Variants in MAP1B observed in about 807,000 individuals in gnomAD.
MAP1B encodes the protein microtubule-associated protein 1B.
MAP1B carries 12 observed loss-of-function variants against 176.1 expected under a neutral mutation model. The ratio of observed to expected loss-of-function variants is 0.07; its 90% CI spans 0.04 to 0.11. The LOEUF (loss-of-function observed/expected upper bound fraction) is 0.11, where lower values mean the gene tolerates loss of function less well. MAP1B is among the 10% of genes least tolerant of loss of function. The probability of loss-of-function intolerance (pLI) is 1.00; values close to 1 mark genes in which losing one functional copy is unlikely to be tolerated. For synonymous variants in MAP1B, 1,044 were observed against 1,135.0 expected (o/e 0.92, Z 1.61); for missense variants, 2,523 against 2,990.5 (o/e 0.84, Z 3.65).
intron 2 of MAP1B, chr5:72,179,854 G>A (rs1403452209): frequency 5.1e-6 from 5 of 985,382 alleles, no homozygotes; most frequent in East Asian, 2.3e-4. Context: ...AGAGAACATC[G>A]TTAGTTGAAT....
chr5:72,189,883 C>T (rs919763711), intron 4 of MAP1B, among the ~76,000 whole-genome samples: 3 of 152,060 alleles, frequency 2.0e-5, no homozygotes, highest in Non-Finnish European at 4.4e-5. Flanking sequence ...ATTTGAAATC[C>T]ATTAGCATAT....
intron 3 of MAP1B, among the ~76,000 whole-genome samples, chr5:72,185,471 T>C (rs1214924561): frequency 6.6e-6 from 1 of 152,114 alleles, no homozygotes; most frequent in Non-Finnish European, 1.5e-5. Context: ...GTTGCATGCC[T>C]GTGGTCCCAG....
intron 2 of MAP1B, 132 bp downstream of exon 2, chr5:72,115,931 A>G: frequency 1.6e-6 from 1 of 627,938 alleles, no homozygotes; most frequent in Non-Finnish European, 2.8e-6. Context: ...ATTATCAACT[A>G]GGTTAGCCAG....
intron 2 of MAP1B, among the ~76,000 whole-genome samples, chr5:72,134,977 C>T (rs1212078434): frequency 7.3e-5 from 11 of 149,928 alleles, no homozygotes; most frequent in African/African-American, 2.5e-4. Flanking sequence ...TAATCAGGAG[C>T]GAGGTGGAAT....
intron 2 of MAP1B, among the ~76,000 whole-genome samples, chr5:72,119,615 C>T (rs886377764): frequency 1.2e-4 from 18 of 152,136 alleles, no homozygotes; most frequent in African/African-American, 4.1e-4. Flanking sequence ...TCAAATGATC[C>T]CCCCACCTCA....
In MAP1B at chr5:72,199,468, C is replaced by T. The variant is rs1377667648; in HGVS notation, c.6113C>T (p.Ser2038Phe). ...AAGACAACACGAACCCCTGATACTT[C>T]CACATACTGTTACGAGACTGCAGAG... is the stretch of plus-strand genomic sequence containing the variant. ...STKTTRTPDT[S>F]TYCYETAEKI... The change falls in exon 5 of 7, where the codon TCC becomes TTC. Residue 2038 changes from serine to phenylalanine, a missense_variant. Around this residue, in one of 4 missense-constraint regions of MAP1B, gnomAD observed 1,925 missense variants for 2,126.0 expected, o/e 0.91. Coordinates refer to ENST00000296755, the MANE Select transcript of MAP1B (RefSeq NM_005909.5). This position sits in a 1 kb window ranked among gnomAD's most constrained non-coding sequence, Gnocchi z 4.2. The T allele has an allele frequency of 2.5e-6, 4 of 1,614,158 alleles. No homozygotes were observed. The highest frequency in any genetic ancestry group is 3.4e-6 in the Non-Finnish European group (4 of 1,180,016).
intron 2 of MAP1B, among the ~76,000 whole-genome samples, chr5:72,117,990 T>C (rs1171370829): frequency 6.6e-6 from 1 of 152,162 alleles, no homozygotes; most frequent in Admixed American, 6.5e-5. Context: ...GACATGGAGA[T>C]CACAGGATGA....
At chr5:72,153,867 C>T (rs923618727) in intron 2 of MAP1B, among the ~76,000 whole-genome samples, 1 of 152,058 alleles carries the variant, frequency 6.6e-6, no homozygotes, top group Non-Finnish European at 1.5e-5. Flanking sequence ...GACATTCCCC[C>T]CAAAGCCTGC....
At chr5:72,130,345 C>T (rs188191603) in intron 2 of MAP1B, among the ~76,000 whole-genome samples, 3 of 152,050 alleles carry the variant, frequency 2.0e-5, no homozygotes, top group Admixed American at 6.6e-5. Context: ...TTTTAACCAT[C>T]GAAATAGGGA....
rs1269606355 is a variant in MAP1B at position 72,206,254 on chromosome 5, A to G, written c.*1015A>G. ...ATGTGAGACAGCAAGTTTATAAAAC[A>G]TCCATATAGGATTATAGATACTTAA... On this transcript the variant is annotated 3_prime_UTR_variant, in exon 7 of 7. Coordinates refer to ENST00000296755, the MANE Select transcript of MAP1B (RefSeq NM_005909.5). The G allele has an allele frequency of 6.6e-6, 1 of 152,662 alleles. No individual in the cohort carries two copies. The highest frequency in any genetic ancestry group is 2.4e-5 in the African/African-American group (1 of 41,456). The allele number at this position is 152,662 out of a possible 1,614,324, so 9.5% of individuals were successfully genotyped here. A position where few individuals can be genotyped will look rare whatever the true frequency, so the allele number is the denominator to read the frequency against.
intron 1 of MAP1B, among the ~76,000 whole-genome samples, chr5:72,111,593 T>G (rs987898238): frequency 6.6e-6 from 1 of 152,172 alleles, no homozygotes; most frequent in South Asian, 2.1e-4. Context: ...GAATTAAATG[T>G]TAGAGAGTCT....
chr5:72,177,261 G>A (rs1746669257), intron 2 of MAP1B, among the ~76,000 whole-genome samples: 1 of 152,170 alleles, frequency 6.6e-6, no homozygotes, highest in South Asian at 2.1e-4. Flanking sequence ...CTAAGCTGGG[G>A]CACCTGGGAT....
At position 72,199,970 on chromosome 5, in the gene MAP1B, G is replaced by C; in HGVS notation, c.6615G>C (p.Val2205=). ...YKHMDPPPAP[V]QDRSPSPRHP... is the part of the protein sequence containing the mutation. Reference sequence around the variant, plus strand: ...ACATGGACCCACCTCCAGCTCCCGTGCAAGACCGCAGCCCTTCGCCACGCC... The same window carrying C: ...ACATGGACCCACCTCCAGCTCCCGTCCAAGACCGCAGCCCTTCGCCACGCC... Residue 2205 remains valine, a synonymous_variant, in exon 5 of 7, where the codon GTG becomes GTC. Transcript: ENST00000296755. This position sits in a 1 kb window ranked among gnomAD's most constrained non-coding sequence, Gnocchi z 4.2. The C allele has an allele frequency of 6.2e-7, 1 of 1,614,198 alleles. No homozygotes were observed. The highest frequency in any genetic ancestry group is 1.1e-5 in the South Asian group (1 of 91,086).
Position 72,198,178 on chromosome 5 carries a change from C to A in MAP1B, c.4823C>A (p.Pro1608Gln), listed in dbSNP as rs1467659716. The A allele has an allele frequency of 1.2e-6, 2 of 1,614,204 alleles. No individual in the cohort carries two copies. ...PTTFQETEMS[P>Q]SKEECPRPMS... Reference sequence around the variant, plus strand: ...ACATTCCAGGAAACAGAAATGTCTCCATCTAAAGAAGAATGCCCAAGACCG... The same window carrying A: ...ACATTCCAGGAAACAGAAATGTCTCAATCTAAAGAAGAATGCCCAAGACCG... Residue 1608 changes from proline to glutamine, a missense_variant, in exon 5 of 7, where the codon CCA becomes CAA. Transcript: ENST00000296755.
intron 1 of MAP1B, among the ~76,000 whole-genome samples, chr5:72,108,593 G>A (rs769089540): frequency 1.3e-5 from 2 of 152,182 alleles, no homozygotes; most frequent in African/African-American, 2.4e-5. Context: ...GGGCCGTGAG[G>A]GTCCGGCGGG....
chr5:72,162,312 G>GA (rs1746343094), intron 2 of MAP1B, among the ~76,000 whole-genome samples: 1 of 152,106 alleles, frequency 6.6e-6, no homozygotes, highest in African/African-American at 2.4e-5. Flanking sequence ...TGTGACAATT[G>GA]AAAGACCTTT....
Position 72,195,100 on chromosome 5 carries a change from G to A in MAP1B, c.1745G>A (p.Ser582Asn), listed in dbSNP as rs750190645. 2 of 1,613,686 alleles carry A rather than the reference G, an allele frequency of 1.2e-6. No individual in the cohort carries two copies. The highest frequency in any genetic ancestry group is 2.2e-5 in the East Asian group (1 of 44,824). Residue 582 changes from serine to asparagine, a missense_variant, in exon 5 of 7, where the codon AGC (serine) becomes AAC (asparagine). Ser to Asn is a conservative substitution (Grantham distance 46). Coordinates refer to ENST00000296755, the MANE Select transcript of MAP1B (RefSeq NM_005909.5). Reference protein sequence around the residue: ...NHVEKPPKVESKEKVMVKKDK... With the variant: ...NHVEKPPKVENKEKVMVKKDK... ...GTGGAAAAGCCACCCAAAGTTGAAAGCAAAGAAAAGGTAATGGTGAAAAAA... is the reference window on the plus strand; with the variant it reads ...GTGGAAAAGCCACCCAAAGTTGAAAACAAAGAAAAGGTAATGGTGAAAAAA...
intron 2 of MAP1B, among the ~76,000 whole-genome samples, chr5:72,157,821 C>T (rs940660956): frequency 1.3e-5 from 2 of 152,152 alleles, no homozygotes; most frequent in African/African-American, 4.8e-5. Flanking sequence ...TCAGTAATGC[C>T]TTGCACATAG....
intron 2 of MAP1B, among the ~76,000 whole-genome samples, chr5:72,140,795 A>C (rs1745933702): frequency 6.6e-6 from 1 of 152,208 alleles, no homozygotes; most frequent in Non-Finnish European, 1.5e-5. Context: ...AGGCAACATG[A>C]AAAAATAAAA....
Sources: allele counts gnomAD v4.1 joint callset (sites outside exome capture counted in the v4.1 genomes callset), GRCh38; gene constraint gnomAD v4.1.1; regional missense constraint gnomAD v4.1.1; non-coding constraint Gnocchi (gnomAD v3.1); transcripts MANE v1.5; gene names NCBI Gene and HGNC (gene_info 2026-07-23, HGNC 2026-07-21).